KLHL13: variants seen among roughly 807,000 people sequenced by gnomAD.
The protein encoded by KLHL13 is kelch like family member 13, also known as kelch-like protein 13.
Under a neutral mutation model 37.1 loss-of-function variants are expected in KLHL13, and 10 were observed. That is an observed-to-expected ratio of 0.27 (90% CI 0.17 to 0.46). The LOEUF (loss-of-function observed/expected upper bound fraction) is 0.46. Ranked by LOEUF, KLHL13 falls within the 20% of genes least tolerant of loss-of-function variation. KLHL13 has a pLI of 1.00. For synonymous variants in KLHL13, 163 were observed against 181.2 expected, an observed-to-expected ratio of 0.90 and a Z score of 0.81; for missense variants, 360 against 509.3, an observed-to-expected ratio of 0.71 and a Z score of 2.82.
At chrX:117,983,624 G>C in intron 1 of KLHL13, 3 of 586,373 alleles carry the variant, frequency 5.1e-6, no homozygotes, top group Middle Eastern at 4.2e-4. Context: ...AGCATACCCT[G>C]ACAGCATTTT....
intron 4 of KLHL13, among the ~76,000 whole-genome samples, chrX:117,916,407 A>G (rs1433014732): frequency 8.9e-6 from 1 of 111,760 alleles, no homozygotes; most frequent in Non-Finnish European, 1.9e-5. Context: ...CCTCTTTTCC[A>G]TAACTCCAAG....
At chrX:118,091,049 G>A (rs1182543440) in intron 1 of KLHL13, among the ~76,000 whole-genome samples, 2 of 101,286 alleles carry the variant, frequency 2.0e-5, no homozygotes, top group Non-Finnish European at 4.0e-5. Context: ...AACACCGCAT[G>A]TTCTCACTCA....
chrX:117,957,080 C>T (rs1303897111), intron 1 of KLHL13, among the ~76,000 whole-genome samples: 1 of 111,295 alleles, frequency 9.0e-6, no homozygotes. Flanking sequence ...CACCTTTGAC[C>T]CTTGCTTCTT....
rs191864069 is a variant in KLHL13, at chrX:118,093,123, C to T, written c.-56+23385G>A. Among the ~76,000 whole-genome samples, 15 of 111,235 alleles carry T rather than the reference C, an allele frequency of 1.3e-4. No homozygotes were observed. The East Asian group carries it at 4.2e-3, about 31-fold the overall frequency. On this transcript the variant is annotated intron_variant, in intron 1 of 6. Coordinates refer to the KLHL13 transcript ENST00000371882. ...AGTAATTTGCCTGCTAAAAGTGCCT[C>T]CACTAGTTGATAACAATTACATTGC...
intron 1 of KLHL13, among the ~76,000 whole-genome samples, chrX:118,101,942 T>G (rs142121493): frequency 1.3e-3 from 143 of 112,109 alleles, no homozygotes; most frequent in African/African-American, 4.5e-3. Context: ...CTCTTTCCTT[T>G]ATAAATTATC....
chrX:117,983,481 C>G (rs1237870562), intron 1 of KLHL13: 1 of 1,136,681 alleles, frequency 8.8e-7, no homozygotes, highest in Non-Finnish European at 1.2e-6. Flanking sequence ...TGGACATACC[C>G]TGAAGTTGAT....
chrX:118,052,681 C>CA (rs2054630177), intron 1 of KLHL13, among the ~76,000 whole-genome samples: 1 of 108,827 alleles, frequency 9.2e-6, no homozygotes, highest in African/African-American at 3.3e-5. Context: ...AAACAAAATA[C>CA]AAAAAATTAG....
intron 1 of KLHL13, among the ~76,000 whole-genome samples, chrX:117,994,281 T>A (rs1451270257): frequency 9.1e-6 from 1 of 109,448 alleles, no homozygotes; most frequent in Admixed American, 9.8e-5. Flanking sequence ...AGTGACAGGG[T>A]CTTGTTCTGT....
At chrX:118,019,996 G>A (rs1385277503) in intron 1 of KLHL13, among the ~76,000 whole-genome samples, 1 of 109,033 alleles carries the variant, frequency 9.2e-6, no homozygotes, top group Non-Finnish European at 1.9e-5. Flanking sequence ...GGTTCCATAT[G>A]AACTTTAAAG....
At chrX:118,000,307 C>T (rs1022801164) in intron 1 of KLHL13, among the ~76,000 whole-genome samples, 3 of 112,158 alleles carry the variant, frequency 2.7e-5, no homozygotes, top group Non-Finnish European at 5.6e-5. Flanking sequence ...GCAACCTTCT[C>T]TCCTGCCCCA....
At chrX:118,054,350 T>G (rs1274990371) in intron 1 of KLHL13, among the ~76,000 whole-genome samples, 1 of 111,266 alleles carries the variant, frequency 9.0e-6, no homozygotes, top group African/African-American at 3.3e-5. Flanking sequence ...TCTAATATAA[T>G]AAAATATTAT....
chrX:118,008,212 T>C (rs2054009312), intron 1 of KLHL13, among the ~76,000 whole-genome samples: 1 of 111,648 alleles, frequency 9.0e-6, no homozygotes, highest in Non-Finnish European at 1.9e-5. Flanking sequence ...CTTGTAACTG[T>C]GTTTGCTGGG....
chrX:118,070,887 C>T lies in KLHL13; in HGVS notation c.-56+45621G>A, dbSNP rs184527040. The stretch of plus-strand genomic sequence containing the variant: ...CGTCATCTAGCATTAGGTATATCCC[C>T]CAATGCTATCCCTCCCCCCTTCCCC... On this transcript the variant is annotated intron_variant, in intron 1 of 6. Coordinates refer to the KLHL13 transcript ENST00000371882. Among the ~76,000 whole-genome samples the T allele has an allele frequency of 7.9e-3, 867 of 109,324 alleles. 9 individuals are homozygous for T. Among genetic ancestry groups the T allele is most frequent in the African/African-American group, 0.026 (765 of 29,956 alleles). The allele number at this position is 109,324 out of a possible 115,157, so 94.9% of individuals were successfully genotyped here. A position where few individuals can be genotyped will look rare whatever the true frequency, so the allele number is the denominator to read the frequency against.
intron 4 of KLHL13, among the ~76,000 whole-genome samples, chrX:117,917,453 G>A (rs1931439454): frequency 9.0e-6 from 1 of 110,940 alleles, no homozygotes. Context: ...GCAATATTAA[G>A]TGTTTATAAA....
At chrX:118,076,444 T>C (rs1360075072) in intron 1 of KLHL13, among the ~76,000 whole-genome samples, 2 of 111,743 alleles carry the variant, frequency 1.8e-5, no homozygotes, top group African/African-American at 6.5e-5. Flanking sequence ...TCCAGGAATT[T>C]GTTTAGCATG....
intron 1 of KLHL13, among the ~76,000 whole-genome samples, chrX:118,034,979 C>T (rs2054416586): frequency 1.1e-5 from 1 of 92,798 alleles, no homozygotes; most frequent in Non-Finnish European, 2.0e-5. Flanking sequence ...CGCAAATAAA[C>T]TAGAAAATCT....
chrX:117,997,946 T>C (rs1024797551), intron 1 of KLHL13, among the ~76,000 whole-genome samples: 3 of 112,312 alleles, frequency 2.7e-5, no homozygotes, highest in Non-Finnish European at 5.6e-5. Context: ...TATGGTACTC[T>C]ACTAATTACA....
chrX:118,097,486 T>A (rs1168379204), intron 1 of KLHL13, among the ~76,000 whole-genome samples: 1 of 111,435 alleles, frequency 9.0e-6, no homozygotes, highest in African/African-American at 3.3e-5. Context: ...ATCAATATTG[T>A]GAAAATGGCC....
At chrX:118,112,947 T>A (rs1194520835) in intron 1 of KLHL13, among the ~76,000 whole-genome samples, 1 of 112,438 alleles carries the variant, frequency 8.9e-6, no homozygotes, top group Non-Finnish European at 1.9e-5. Flanking sequence ...AGGCCCTTTC[T>A]AAAACCTAGG....
Sources: allele counts gnomAD v4.1 joint callset (sites outside exome capture counted in the v4.1 genomes callset), GRCh38; gene constraint gnomAD v4.1.1; transcripts MANE v1.5; gene names NCBI Gene and HGNC (gene_info 2026-07-23, HGNC 2026-07-21).